CTPS2: variants seen among roughly 807,000 people sequenced by gnomAD.
The protein encoded by CTPS2 is CTP synthase 2.
In CTPS2, 19 loss-of-function variants were observed where a neutral mutation model predicts 46.8. The observed-to-expected ratio is 0.41, with a 90% CI of 0.28 to 0.60. The LOEUF (loss-of-function observed/expected upper bound fraction) is 0.60. CTPS2 is among the 20% of genes least tolerant of loss of function. The pLI is 0.35. For missense variants in CTPS2, 286 were observed against 447.6 expected (o/e 0.64, Z 3.26); for synonymous variants, 151 against 165.2 (o/e 0.91, Z 0.66).
chrX:16,595,558 G>A (rs139944627), intron 17 of CTPS2, among the ~76,000 whole-genome samples: 295 of 111,060 alleles, frequency 2.7e-3, no homozygotes, highest in African/African-American at 8.5e-3. Context: ...TGCCCGCTTC[G>A]GCCTCCCAAG....
In CTPS2 at chrX:16,693,088, G is replaced by T; in HGVS notation, c.639+53C>A. On this transcript the variant is annotated intron_variant, in intron 6 of 18. Transcript: ENST00000359276. Reference sequence around the variant, plus strand: ...AAAAAAAAAAAAAAAAAGAAGTGAAGGTCCTGCTCCCAGAGACCTTCAGGA... The same window carrying T: ...AAAAAAAAAAAAAAAAAGAAGTGAATGTCCTGCTCCCAGAGACCTTCAGGA... 3 of 767,369 alleles carry T rather than the reference G, an allele frequency of 3.9e-6. No individual in the cohort carries two copies. In the South Asian group the frequency reaches 6.9e-5, roughly 18 times the overall value. The allele number at this position is 767,369 out of a possible 1,213,427, so 63.2% of individuals were successfully genotyped here. A position where few individuals can be genotyped will look rare whatever the true frequency, so the allele number is the denominator to read the frequency against.
chrX:16,604,484 A>G (rs1929854087), intron 17 of CTPS2, among the ~76,000 whole-genome samples: 1 of 111,878 alleles, frequency 8.9e-6, no homozygotes, highest in Non-Finnish European at 1.9e-5. Flanking sequence ...CTAGAAAACA[A>G]TCTATGAACT....
intron 17 of CTPS2, among the ~76,000 whole-genome samples, chrX:16,591,967 AG>A (rs1928926648): frequency 8.9e-6 from 1 of 111,975 alleles, no homozygotes; most frequent in African/African-American, 3.2e-5. Context: ...ACTCTTCATC[AG>A]GTCTGTTTTA....
intron 13 of CTPS2, among the ~76,000 whole-genome samples, chrX:16,649,845 A>G (rs1326243004): frequency 8.9e-6 from 1 of 112,199 alleles, no homozygotes; most frequent in Non-Finnish European, 1.9e-5. Context: ...TAAATATGCA[A>G]CTAAATTGAA....
intron 13 of CTPS2, among the ~76,000 whole-genome samples, chrX:16,659,339 T>C (rs1270442926): frequency 1.8e-5 from 2 of 111,246 alleles, no homozygotes; most frequent in African/African-American, 6.5e-5. Context: ...GAAGGATTCA[T>C]CAAAAAAGTA....
chrX:16,657,050 AT>A (rs1281407670), intron 13 of CTPS2, among the ~76,000 whole-genome samples: 1 of 107,747 alleles, frequency 9.3e-6, no homozygotes, highest in Non-Finnish European at 1.9e-5. Flanking sequence ...TGACTGGCTA[AT>A]TTTTTTTCTT....
intron 14 of CTPS2, among the ~76,000 whole-genome samples, chrX:16,622,097 G>T (rs1321888820): frequency 3.6e-5 from 4 of 110,882 alleles, no homozygotes; most frequent in African/African-American, 1.3e-4. Flanking sequence ...ATAACATACA[G>T]TTAGAAAACA....
At chrX:16,704,036 C>A (rs1230970804) in intron 1 of CTPS2, among the ~76,000 whole-genome samples, 2 of 108,166 alleles carry the variant, frequency 1.8e-5, no homozygotes, top group Non-Finnish European at 3.8e-5. Context: ...CCTCCCCGGT[C>A]CAAATGATTC....
intron 14 of CTPS2, among the ~76,000 whole-genome samples, chrX:16,635,403 C>T (rs1426239312): frequency 8.9e-6 from 1 of 111,762 alleles, no homozygotes; most frequent in South Asian, 3.7e-4. Context: ...CCAGGCACGG[C>T]GGCTCATGCC....
chrX:16,653,619 G>A (rs191693358), intron 13 of CTPS2, among the ~76,000 whole-genome samples: 2 of 111,138 alleles, frequency 1.8e-5, no homozygotes, highest in African/African-American at 3.3e-5. Flanking sequence ...ACAGATTCTC[G>A]GGCCCCACCC....
At chrX:16,665,623 G>A (rs907691794) in intron 13 of CTPS2, among the ~76,000 whole-genome samples, 3 of 112,103 alleles carry the variant, frequency 2.7e-5, no homozygotes, top group Non-Finnish European at 5.6e-5. Flanking sequence ...GTGGAGATAG[G>A]AGGCTTGGGG....
chrX:16,699,994 G>A (rs1381489769), intron 2 of CTPS2, among the ~76,000 whole-genome samples: 4 of 107,050 alleles, frequency 3.7e-5, no homozygotes, highest in South Asian at 8.4e-4. Flanking sequence ...GTGCAGTGGC[G>A]TGATCTCAGC....
At chrX:16,593,196 A>G (rs112236999) in intron 17 of CTPS2, among the ~76,000 whole-genome samples, 216 of 111,695 alleles carry the variant, frequency 1.9e-3, no homozygotes, top group African/African-American at 5.7e-3. Context: ...TTGGGAGGCC[A>G]AGGTGGGCGG....
chrX:16,676,948 A>G (rs1922325462), intron 10 of CTPS2, among the ~76,000 whole-genome samples: 1 of 109,341 alleles, frequency 9.1e-6, no homozygotes, highest in South Asian at 4.0e-4. Context: ...AATCCTAGCT[A>G]CTTGGGAGGC....
Position 16,702,975 on chromosome X carries a change from G to T in CTPS2, c.-39-34C>A, listed in dbSNP as rs1215048174. ...CAATAAAATTATGGATAAGGAAAGAGAAATATTTAAAACTAGTAAAGCAGA... is the reference window on the plus strand; with the variant it reads ...CAATAAAATTATGGATAAGGAAAGATAAATATTTAAAACTAGTAAAGCAGA... On this transcript the variant is annotated intron_variant, in intron 1 of 18. Coordinates refer to ENST00000359276, the MANE Select transcript of CTPS2 (RefSeq NM_175859.3). 28 of 875,606 alleles carry T rather than the reference G, an allele frequency of 3.2e-5. No homozygotes were observed. In the Admixed American group the frequency reaches 6.5e-4, roughly 20 times the overall value. 72.2% of individuals were successfully genotyped at this position (875,606 alleles called of 1,213,427 possible).
intron 11 of CTPS2, 138 bp from the exon 12 acceptor site, chrX:16,667,862 C>T (rs1921328774): frequency 1.9e-6 from 1 of 526,762 alleles, no homozygotes; most frequent in South Asian, 3.1e-5. Flanking sequence ...GTTTTGCTCC[C>T]TGCTGTCCTC....
At chrX:16,670,788 T>C in intron 10 of CTPS2, 114 bp from the exon 11 acceptor site, 1 of 467,037 alleles carries the variant, frequency 2.1e-6, no homozygotes, top group Non-Finnish European at 3.6e-6. Flanking sequence ...GCTCAAGCTC[T>C]ATTTTCAGAA....
chrX:16,709,202 C>T (rs1479181070), intron 1 of CTPS2, among the ~76,000 whole-genome samples: 5 of 110,504 alleles, frequency 4.5e-5, no homozygotes, highest in African/African-American at 1.3e-4. Flanking sequence ...CCAAGACGGG[C>T]GGATTGCCTG....
chrX:16,593,225 C>T (rs781394591), intron 17 of CTPS2, among the ~76,000 whole-genome samples: 3 of 111,025 alleles, frequency 2.7e-5, no homozygotes, highest in South Asian at 3.8e-4. Context: ...GTCAGGAGAT[C>T]GAGATCATCC....
Sources: allele counts gnomAD v4.1 joint callset (sites outside exome capture counted in the v4.1 genomes callset), GRCh38; gene constraint gnomAD v4.1.1; transcripts MANE v1.5; gene names NCBI Gene and HGNC (gene_info 2026-07-23, HGNC 2026-07-21).